MGAT4B: variants seen among roughly 807,000 people sequenced by gnomAD.
The protein encoded by MGAT4B is N-acetylglucosaminyltransferase IVb.
A neutral mutation model predicts 73.9 loss-of-function variants in MGAT4B; 38 were observed. That is an observed-to-expected ratio of 0.51 (90% confidence interval 0.40 to 0.67). MGAT4B has a LOEUF of 0.67. Ranked by LOEUF, MGAT4B falls within the 30% of genes least tolerant of loss-of-function variation. The pLI, the probability that MGAT4B is intolerant of heterozygous loss-of-function variation, is 0.00. For missense variants in MGAT4B, 686 were observed against 735.2 expected (o/e 0.93, Z 0.77); for synonymous variants, 373 against 313.5 (o/e 1.19, Z -2.01).
chr5:179,800,157 C>G, intron 7 of MGAT4B, 27 bp downstream of exon 7: 2 of 1,613,078 alleles, frequency 1.2e-6, no homozygotes, highest in Non-Finnish European at 1.7e-6. Flanking sequence ...CAGGGCAGGG[C>G]AGGGCAACGC....
chr5:179,804,221 G>A (rs1757052243), intron 1 of MGAT4B, among the ~76,000 whole-genome samples: 1 of 152,252 alleles, frequency 6.6e-6, no homozygotes, highest in African/African-American at 2.4e-5. Context: ...CTTGTACTCA[G>A]GGAAAAGGGA....
chr5:179,805,348 C>A (rs1757101027), intron 1 of MGAT4B: 1 of 152,368 alleles, frequency 6.6e-6, no homozygotes, highest in African/African-American at 2.4e-5. Flanking sequence ...CCCCAGGTGA[C>A]ACACCCTACC....
chr5:179,797,911 G>A lies in MGAT4B; in HGVS notation c.*134C>T. ...GCCTCCGGGCCAGCGGCGGACCCCA[G>A]GCCGGCCCAAGCCCGACGCCAGGCA... is the stretch of plus-strand genomic sequence containing the variant. On this transcript the variant is annotated 3_prime_UTR_variant, in exon 15 of 15. Coordinates refer to ENST00000292591, the MANE Select transcript of MGAT4B (RefSeq NM_014275.5). 7.6e-7 allele frequency: 1 copy of A among 1,313,862 alleles called. No homozygotes were observed. Among genetic ancestry groups the A allele is most frequent in the Non-Finnish European group, 1.1e-6 (1 of 947,874 alleles). 81.4% of individuals were successfully genotyped at this position (1,313,862 alleles called of 1,614,324 possible). A position where few individuals can be genotyped will look rare whatever the true frequency, so the allele number is the denominator to read the frequency against.
At position 179,801,546 on chromosome 5, in the gene MGAT4B, G is replaced by T. The variant is rs954007135; in HGVS notation, c.424+8C>A. ...CCACCCCGTGCTCCTCCCTGTCTGC[G>T]CCCATACCTCCGGTGCGGCCCTGGC... On this transcript the variant is annotated splice_region_variant and intron_variant, in intron 3 of 14. Coordinates refer to ENST00000292591, the MANE Select transcript of MGAT4B (RefSeq NM_014275.5). This position sits in a 1 kb window ranked among gnomAD's most constrained non-coding sequence, Gnocchi z 4.8. 3.7e-6 allele frequency: 6 copies of T among 1,607,792 alleles called. No homozygotes were observed. In the African/African-American group the frequency reaches 6.7e-5, roughly 18 times the overall value.
In MGAT4B at chr5:179,798,260, C is replaced by T. The variant is rs764456989; in HGVS notation, c.1528G>A (p.Val510Met). 9 of 1,612,006 alleles carry T rather than the reference C, an allele frequency of 5.6e-6. No individual in the cohort carries two copies. Among genetic ancestry groups the T allele is most frequent in the Non-Finnish European group, 7.6e-6 (9 of 1,179,342 alleles). ...YLQIGSFYKG[V>M]AEGEVDPAFG... ...GCTGGGTCCACCTCTCCCTCTGCCA[C>T]TCCCTTGTAGAAGGAGCCTGTGGGA... The change falls in exon 14 of 15, where the codon GTG (valine) becomes ATG (methionine). Residue 510 changes from valine to methionine, a missense_variant. Transcript: ENST00000292591.
Position 179,801,282 on chromosome 5 carries a change from A to C in MGAT4B, c.558+52T>G. On this transcript the variant is annotated intron_variant, in intron 4 of 14. Coordinates refer to ENST00000292591, the MANE Select transcript of MGAT4B (RefSeq NM_014275.5). The surrounding 1 kb of genome is among the most constrained non-coding windows in gnomAD (Gnocchi z 4.8). ...GAATGGTTCCTGCTGTCAGTTCTGCACCGCGGGGGCTCCTCTGAATGTCCC... is the reference window on the plus strand; with the variant it reads ...GAATGGTTCCTGCTGTCAGTTCTGCCCCGCGGGGGCTCCTCTGAATGTCCC... 1.3e-6 allele frequency: 2 copies of C among 1,564,774 alleles called. No homozygotes were observed. The highest frequency in any genetic ancestry group is 1.7e-6 in the Non-Finnish European group (2 of 1,151,858).
chr5:179,797,920 A>G lies in MGAT4B; in HGVS notation c.*125T>C. 7.2e-7 allele frequency: 1 copy of G among 1,387,888 alleles called. No individual in the cohort carries two copies. Among genetic ancestry groups the G allele is most frequent in the Non-Finnish European group, 9.9e-7 (1 of 1,009,392 alleles). The allele number at this position is 1,387,888 out of a possible 1,614,324, so 86.0% of individuals were successfully genotyped here. The stretch of plus-strand genomic sequence containing the variant: ...CCAGCGGCGGACCCCAGGCCGGCCC[A>G]AGCCCGACGCCAGGCAGAACCCTTT... On this transcript the variant is annotated 3_prime_UTR_variant, in exon 15 of 15. Transcript: ENST00000292591.
rs1347306895 is a variant in MGAT4B, at chr5:179,801,017, G to A, written c.559-64C>T. ...TGCCCCAAAAGGCCTGGAAGGGCTTGGAGAAGGGGCACAGGCTTCAGATGC... is the reference window on the plus strand; with the variant it reads ...TGCCCCAAAAGGCCTGGAAGGGCTTAGAGAAGGGGCACAGGCTTCAGATGC... On this transcript the variant is annotated intron_variant, in intron 4 of 14. Transcript: ENST00000292591. The surrounding 1 kb of genome is among the most constrained non-coding windows in gnomAD (Gnocchi z 4.8). 3.2e-6 allele frequency: 5 copies of A among 1,575,538 alleles called. No individual in the cohort carries two copies. Among genetic ancestry groups the A allele is most frequent in the East Asian group, 2.2e-5 (1 of 44,606 alleles).
rs1217497633 is a variant in MGAT4B, at chr5:179,799,821, G to C, written c.910+133C>G. On this transcript the variant is annotated intron_variant, in intron 8 of 14. Transcript: ENST00000292591. ...TGCACAGGCAATGAGAACAGGCCAGGTGGGGCTGTAGCACGCACACCAGGC... is the reference window on the plus strand; with the variant it reads ...TGCACAGGCAATGAGAACAGGCCAGCTGGGGCTGTAGCACGCACACCAGGC... The C allele has an allele frequency of 4.9e-6, 6 of 1,228,144 alleles. No homozygotes were observed. The East Asian group carries it at 1.2e-4, about 24-fold the overall frequency. The allele number at this position is 1,228,144 out of a possible 1,614,324, so 76.1% of individuals were successfully genotyped here. A position where few individuals can be genotyped will look rare whatever the true frequency, so the allele number is the denominator to read the frequency against.
chr5:179,799,734 C>T, intron 8 of MGAT4B, 98 bp from the exon 9 acceptor site: 1 of 1,568,630 alleles, frequency 6.4e-7, no homozygotes, highest in Non-Finnish European at 8.7e-7. Context: ...GGGCAGGCTT[C>T]AGGCAGGTGT....
rs1182441752 is a variant in MGAT4B, at chr5:179,801,336, C to T, written c.556G>A (p.Glu186Lys). ...ACCCCGCGTCCCGGCTCACTCGCCT[C>T]GGCGATCAGCACCACGATGACCGAG... Reference protein sequence around the residue: ...EDSVIVVLIAETDSQYTSAVT... With the variant: ...EDSVIVVLIAKTDSQYTSAVT... The change falls in exon 4 of 15, where the codon GAG becomes AAG. Residue 186 changes from glutamate (E) to lysine (K), a missense_variant and splice_region_variant. Glu to Lys is a moderately conservative substitution (Grantham distance 56). Transcript: ENST00000292591. The surrounding 1 kb of genome is among the most constrained non-coding windows in gnomAD (Gnocchi z 4.8). The T allele has an allele frequency of 2.5e-6, 4 of 1,608,418 alleles. No homozygotes were observed. The highest frequency in any genetic ancestry group is 1.7e-5 in the Admixed American group (1 of 59,874).
At chr5:179,798,665 G>C (rs1756764344) in intron 11 of MGAT4B, 74 bp from the exon 12 acceptor site, 1 of 1,532,304 alleles carries the variant, frequency 6.5e-7, no homozygotes, top group African/African-American at 1.4e-5. Flanking sequence ...AGCAGAGAAA[G>C]GCCAGGCCTG....
chr5:179,800,818 A>G (rs1376527651), intron 5 of MGAT4B, 89 bp downstream of exon 5: 12 of 1,378,678 alleles, frequency 8.7e-6, no homozygotes. Flanking sequence ...TAGGAAAGGC[A>G]CTATCTCATG....
Position 179,806,382 on chromosome 5 carries a change from G to T in MGAT4B, c.97+105C>A, listed in dbSNP as rs966655503. On this transcript the variant is annotated intron_variant, in intron 1 of 14. Coordinates refer to ENST00000292591, the MANE Select transcript of MGAT4B (RefSeq NM_014275.5). This position sits in a 1 kb window ranked among gnomAD's most constrained non-coding sequence, Gnocchi z 4.6. Reference sequence around the variant, plus strand: ...CTCGCGCCGCCCGGGCGGGGAAGGGGCGCCTGCGTCGGCTTCCGGCCGCCT... The same window carrying T: ...CTCGCGCCGCCCGGGCGGGGAAGGGTCGCCTGCGTCGGCTTCCGGCCGCCT... The T allele has an allele frequency of 1.5e-4, 84 of 553,846 alleles. 1 individual carries two copies. Among genetic ancestry groups the T allele is most frequent in the Non-Finnish European group, 1.8e-4 (74 of 418,288 alleles). The allele number at this position is 553,846 out of a possible 1,614,324, so 34.3% of individuals were successfully genotyped here.
chr5:179,806,412 C>T lies in MGAT4B; in HGVS notation c.97+75G>A. 1.0e-6 allele frequency: 1 copy of T among 956,816 alleles called. No individual in the cohort carries two copies. The highest frequency in any genetic ancestry group is 1.3e-6 in the Non-Finnish European group (1 of 775,702). 59.3% of individuals were successfully genotyped at this position (956,816 alleles called of 1,614,324 possible). ...TGCGTCGGCTTCCGGCCGCCTTCCG[C>T]GGCCACCGCCGGGCCCGCTCCCGCC... On this transcript the variant is annotated intron_variant, in intron 1 of 14. Coordinates refer to ENST00000292591, the MANE Select transcript of MGAT4B (RefSeq NM_014275.5). This position sits in a 1 kb window ranked among gnomAD's most constrained non-coding sequence, Gnocchi z 4.6.
chr5:179,799,422 G>A, intron 9 of MGAT4B, 84 bp downstream of exon 9: 1 of 1,608,198 alleles, frequency 6.2e-7, no homozygotes, highest in Non-Finnish European at 8.5e-7. Flanking sequence ...TATGTGAGCA[G>A]ATGCAAGGAC....
chr5:179,798,526 A>G lies in MGAT4B; in HGVS notation c.1409T>C (p.Val470Ala). Reference sequence around the variant, plus strand: ...CACCGAACTTACGTCGAAGGGCAGCACCTCCACAGACGTGTTGAAGAGCTT... The same window carrying G: ...CACCGAACTTACGTCGAAGGGCAGCGCCTCCACAGACGTGTTGAAGAGCTT... ...EDKLFNTSVE[V>A]LPFDNPQSDK... is the part of the protein sequence containing the mutation. The change falls in exon 12 of 15, where the codon GTG (valine) becomes GCG (alanine). Residue 470 changes from valine (V) to alanine (A), a missense_variant. Transcript: ENST00000292591. 1 of 1,613,436 alleles carries G rather than the reference A, an allele frequency of 6.2e-7. No homozygotes were observed. The highest frequency in any genetic ancestry group is 8.5e-7 in the Non-Finnish European group (1 of 1,180,002).
At position 179,801,781 on chromosome 5, in the gene MGAT4B, C is replaced by T. The variant is rs1756953533; in HGVS notation, c.283+3G>A. On this transcript the variant is annotated splice_donor_region_variant and intron_variant, in intron 2 of 14. Transcript: ENST00000292591. This position sits in a 1 kb window ranked among gnomAD's most constrained non-coding sequence, Gnocchi z 4.8. ...CTTTTCCCCCTCCCGCCCCAGACCT[C>T]ACCTGTTAGGCGGCCCCAGGTGCGA... is the stretch of plus-strand genomic sequence containing the variant. The T allele has an allele frequency of 6.3e-7, 1 of 1,578,292 alleles. No individual in the cohort carries two copies. Among genetic ancestry groups the T allele is most frequent in the Non-Finnish European group, 8.6e-7 (1 of 1,159,058 alleles).
At position 179,798,239 on chromosome 5, in the gene MGAT4B, G is replaced by T. The variant is rs770776158; in HGVS notation, c.1549C>A (p.Pro517Thr). The change falls in exon 14 of 15, where the codon CCA becomes ACA. Residue 517 changes from proline (P) to threonine (T), a missense_variant. By Grantham distance (38) the Pro-to-Thr change is conservative. Around this residue, in one of 2 missense-constraint regions of MGAT4B, gnomAD observed 449 missense variants for 536.8 expected, o/e 0.84. Coordinates refer to ENST00000292591, the MANE Select transcript of MGAT4B (RefSeq NM_014275.5). ...YKGVAEGEVDPAFGPLEALRL... is the reference protein window; with the variant it reads ...YKGVAEGEVDTAFGPLEALRL... Reference sequence around the variant, plus strand: ...AGTGCTTCCAGAGGGCCGAAGGCTGGGTCCACCTCTCCCTCTGCCACTCCC... The same window carrying T: ...AGTGCTTCCAGAGGGCCGAAGGCTGTGTCCACCTCTCCCTCTGCCACTCCC... 1 of 1,609,532 alleles carries T rather than the reference G, an allele frequency of 6.2e-7. No individual in the cohort carries two copies. The highest frequency in any genetic ancestry group is 1.3e-5 in the African/African-American group (1 of 75,016).
Sources: allele counts gnomAD v4.1 joint callset (sites outside exome capture counted in the v4.1 genomes callset), GRCh38; gene constraint gnomAD v4.1.1; regional missense constraint gnomAD v4.1.1; non-coding constraint Gnocchi (gnomAD v3.1); transcripts MANE v1.5; gene names NCBI Gene and HGNC (gene_info 2026-07-23, HGNC 2026-07-21).